Variants in RTL4 observed in about 807,000 individuals in gnomAD.
The protein encoded by RTL4 is retrotransposon Gag like 4, also known as retrotransposon Gag-like protein 4.
RTL4 carries 4 observed loss-of-function variants against 5.3 expected under a neutral mutation model. The observed-to-expected ratio is 0.75, with a 90% CI of 0.37 to 1.72. The LOEUF (loss-of-function observed/expected upper bound fraction) is 1.72. Ranked by LOEUF, RTL4 falls within the 40% of genes most tolerant of loss-of-function variation. RTL4 has a pLI of 0.04. For synonymous variants in RTL4, 98 were observed against 87.3 expected (o/e 1.12, Z -0.68); for missense variants, 260 against 227.1 (o/e 1.14, Z -0.93).
chrX:112,098,167 T>A, the RTL4 span, among the ~76,000 whole-genome samples: 7 of 94,179 alleles, frequency 7.4e-5, no homozygotes, highest in African/African-American at 1.6e-4. Flanking sequence ...TGTCCATGTG[T>A]TCTCATTGTT....
chrX:112,280,441 T>C, the RTL4 span, among the ~76,000 whole-genome samples: 1 of 111,657 alleles, frequency 9.0e-6, no homozygotes, highest in Non-Finnish European at 1.9e-5. Context: ...AACAAACCTG[T>C]ACATGTATCC....
the RTL4 span, among the ~76,000 whole-genome samples, chrX:112,298,424 T>G: frequency 8.9e-6 from 1 of 112,093 alleles, no homozygotes; most frequent in Non-Finnish European, 1.9e-5. Context: ...CTGAAGAGCT[T>G]TAGAGGTTCA....
the RTL4 span, among the ~76,000 whole-genome samples, chrX:112,387,282 G>T: frequency 9.1e-6 from 1 of 109,978 alleles, no homozygotes; most frequent in Non-Finnish European, 1.9e-5. Context: ...CTCCCACTTT[G>T]TGGGTTGTCT....
chrX:112,153,559 T>G, the RTL4 span, among the ~76,000 whole-genome samples: 1 of 112,062 alleles, frequency 8.9e-6, no homozygotes, highest in African/African-American at 3.2e-5. Context: ...TGACTATGCA[T>G]CCACGATCCA....
chrX:112,422,770 T>C, the RTL4 span, among the ~76,000 whole-genome samples: 10 of 110,023 alleles, frequency 9.1e-5, no homozygotes, highest in Non-Finnish European at 1.7e-4. Context: ...AGTTCTCCCC[T>C]GCAAGCTAAG....
At chrX:112,353,323 C>T in the RTL4 span, among the ~76,000 whole-genome samples, 54 of 111,392 alleles carry the variant, frequency 4.8e-4, no homozygotes, top group African/African-American at 1.7e-3. Flanking sequence ...CCCAGCCATC[C>T]TATTACTGGG....
At chrX:112,143,924 A>G in the RTL4 span, among the ~76,000 whole-genome samples, 1 of 112,485 alleles carries the variant, frequency 8.9e-6, no homozygotes, top group African/African-American at 3.2e-5. Context: ...AATCGTACAT[A>G]TCTGCAACGT....
At chrX:112,442,871 G>T in the RTL4 span, among the ~76,000 whole-genome samples, 2 of 111,526 alleles carry the variant, frequency 1.8e-5, no homozygotes, top group Non-Finnish European at 3.8e-5. Context: ...GGAACATGGG[G>T]TATCCCTCCC....
the RTL4 span, among the ~76,000 whole-genome samples, chrX:112,139,996 C>A: frequency 8.9e-6 from 1 of 112,185 alleles, no homozygotes. Context: ...CCACGTGGAA[C>A]TGTAAGTCCA....
chrX:112,405,698 T>C, the RTL4 span, among the ~76,000 whole-genome samples: 11 of 104,412 alleles, frequency 1.1e-4, no homozygotes, highest in East Asian at 2.5e-3. Flanking sequence ...CTACCAATTG[T>C]CCTCCCCCTG....
chrX:112,361,406 G>A, the RTL4 span, among the ~76,000 whole-genome samples: 2 of 111,096 alleles, frequency 1.8e-5, no homozygotes, highest in Middle Eastern at 4.2e-3. Flanking sequence ...TACCCACGGG[G>A]ATAGATAACT....
chrX:112,354,732 A>C, the RTL4 span, among the ~76,000 whole-genome samples: 186 of 110,959 alleles, frequency 1.7e-3, 2 homozygotes, highest in African/African-American at 5.9e-3. Flanking sequence ...TCAGTGACAA[A>C]TCCAACCTTG....
the RTL4 span, among the ~76,000 whole-genome samples, chrX:112,268,808 C>A: frequency 8.9e-6 from 1 of 112,029 alleles, no homozygotes; most frequent in African/African-American, 3.2e-5. Flanking sequence ...GTTCCACTGG[C>A]ACCTCAAACA....
At chrX:112,118,804 TC>T in the RTL4 span, among the ~76,000 whole-genome samples, 138 of 112,098 alleles carry the variant, frequency 1.2e-3, no homozygotes, top group Non-Finnish European at 2.2e-3. Flanking sequence ...AAACTTAGTT[TC>T]TTTTTTATCA....
At chrX:112,397,156 A>G in the RTL4 span, among the ~76,000 whole-genome samples, 2 of 111,707 alleles carry the variant, frequency 1.8e-5, no homozygotes, top group Admixed American at 1.9e-4. Flanking sequence ...GTATCTATCT[A>G]TTGGAGATTG....
At chrX:112,274,586 A>G in the RTL4 span, among the ~76,000 whole-genome samples, 1 of 111,703 alleles carries the variant, frequency 9.0e-6, no homozygotes, top group East Asian at 2.8e-4. Context: ...AGGAACACAA[A>G]AGCGCAGAGG....
At chrX:112,313,876 G>A in the RTL4 span, among the ~76,000 whole-genome samples, 29 of 110,781 alleles carry the variant, frequency 2.6e-4, no homozygotes, top group East Asian at 6.8e-3. Flanking sequence ...AAGGCAAAGA[G>A]GCTGAGGAGT....
the RTL4 span, among the ~76,000 whole-genome samples, chrX:112,376,728 A>G: frequency 8.9e-6 from 1 of 112,019 alleles, no homozygotes; most frequent in African/African-American, 3.2e-5. Flanking sequence ...AGCTAACTAA[A>G]AAGGCCTCAG....
the RTL4 span, among the ~76,000 whole-genome samples, chrX:112,346,793 T>C: frequency 9.0e-6 from 1 of 111,539 alleles, no homozygotes; most frequent in Non-Finnish European, 1.9e-5. Flanking sequence ...TATAGATATA[T>C]AGATGTCAAA....
Sources: gnomAD v4.1 joint callset for allele counts (sites outside exome capture counted in the v4.1 genomes callset) on GRCh38, gnomAD v4.1.1 for gene constraint, MANE v1.5 for transcripts, NCBI Gene and HGNC (gene_info 2026-07-23, HGNC 2026-07-21) for gene names.